The following NDE1 variants were observed in gnomAD, a reference collection of about 807,000 sequenced individuals.
The protein encoded by NDE1 is nudE neurodevelopment protein 1.
In NDE1, 28 loss-of-function variants were observed where a neutral mutation model predicts 43.4. The observed-to-expected ratio is 0.65, with a 90% CI of 0.48 to 0.89. The LOEUF (loss-of-function observed/expected upper bound fraction) is 0.89. Among genes scored for constraint, NDE1 ranks in the 40% least tolerant of loss-of-function variants. The probability of loss-of-function intolerance (pLI) is 0.00; values close to 1 mark genes in which losing one functional copy is unlikely to be tolerated. For missense variants in NDE1, 441 were observed against 434.1 expected (o/e 1.02, Z -0.14); for synonymous variants, 184 against 172.0 (o/e 1.07, Z -0.55).
At chr16:15,698,677 A>G (rs12926457) in intron 8 of NDE1, among the ~76,000 whole-genome samples, 5,822 of 152,090 alleles carry the variant, frequency 0.038, 155 homozygotes, top group South Asian at 0.093. Flanking sequence ...ACTGGGCAAC[A>G]TGGTGAAACC....
chr16:15,695,961 T>C (rs1245657540), intron 7 of NDE1: 2 of 152,614 alleles, frequency 1.3e-5, no homozygotes, highest in African/African-American at 4.8e-5. Context: ...GATTTCCTAC[T>C]TCCTACAAGC....
chr16:15,685,370 T>C (rs2038386366), intron 4 of NDE1, among the ~76,000 whole-genome samples: 1 of 152,076 alleles, frequency 6.6e-6, no homozygotes, highest in Non-Finnish European at 1.5e-5. Context: ...TCCTCCTACC[T>C]CAGCCTCCGA....
chr16:15,694,608 A>G (rs1412309367), intron 7 of NDE1: 1 of 984,528 alleles, frequency 1.0e-6, no homozygotes, highest in African/African-American at 1.8e-5. Flanking sequence ...TTGGCCTCCC[A>G]AAGTTCTGGG....
chr16:15,669,750 C>T (rs908756145), intron 3 of NDE1, among the ~76,000 whole-genome samples: 3 of 152,194 alleles, frequency 2.0e-5, no homozygotes, highest in Non-Finnish European at 2.9e-5. Flanking sequence ...CCGCCTCAGC[C>T]TCCCAAAGTG....
Position 15,717,063 on chromosome 16 carries a change from G to C in NDE1, c.948-7128G>C, listed in dbSNP as rs1397230570. On this transcript the variant is annotated intron_variant, in intron 8 of 8. Coordinates refer to ENST00000396354, the MANE Select transcript of NDE1 (RefSeq NM_017668.3). ...ACAAGCCAGAACTGATGCTGGAAGAGGTTCCCTGACTTCACTATGACTCCT... is the reference window on the plus strand; with the variant it reads ...ACAAGCCAGAACTGATGCTGGAAGACGTTCCCTGACTTCACTATGACTCCT... 4.8e-6 allele frequency: 7 copies of C among 1,464,122 alleles called. No homozygotes were observed. In the Middle Eastern group the frequency reaches 5.2e-4, roughly 108 times the overall value. 90.7% of individuals were successfully genotyped at this position (1,464,122 alleles called of 1,614,324 possible). A position where few individuals can be genotyped will look rare whatever the true frequency, so the allele number is the denominator to read the frequency against.
intron 5 of NDE1, among the ~76,000 whole-genome samples, chr16:15,689,936 CT>C (rs1364271687): frequency 0.095 from 7,439 of 78,146 alleles, 213 homozygotes; most frequent in East Asian, 0.15. Context: ...GAAACTCCAT[CT>C]CAAAAAAAAA....
intron 6 of NDE1, 118 bp from the exon 7 acceptor site, chr16:15,694,047 G>T: frequency 8.3e-7 from 1 of 1,204,656 alleles, no homozygotes. Context: ...GGTAGCTTTT[G>T]GGATCCGAGG....
At position 15,658,712 on chromosome 16, in the gene NDE1, A is replaced by C. The variant is rs560730260; in HGVS notation, c.-43-6024A>C. ...TGCTCTGTTGCCCAGGCTGGAGTGC[A>C]GTGGTGTGATCGTGGTTCACTGCAA... On this transcript the variant is annotated intron_variant, in intron 1 of 8. Transcript: ENST00000396354. Among the ~76,000 whole-genome samples the C allele has an allele frequency of 1.1e-4, 16 of 152,340 alleles. No homozygotes were observed. In the South Asian group the frequency reaches 2.9e-3, roughly 28 times the overall value.
chr16:15,652,568 G>A (rs888794085), intron 1 of NDE1, among the ~76,000 whole-genome samples: 4 of 152,160 alleles, frequency 2.6e-5, no homozygotes, highest in Admixed American at 6.6e-5. Context: ...GGTTGGAGGA[G>A]GCAAAACCAC....
At position 15,680,506 on chromosome 16, in the gene NDE1, C is replaced by G. The variant is rs1022970482; in HGVS notation, c.386+2557C>G. ...CTGGTCATTACCAGAAGTGGAAATT[C>G]CTTTCTTGTCAATCTGTAGGAGTTC... On this transcript the variant is annotated intron_variant, in intron 4 of 8. Coordinates refer to ENST00000396354, the MANE Select transcript of NDE1 (RefSeq NM_017668.3). Among the ~76,000 whole-genome samples, 5 of 152,076 alleles carry G rather than the reference C, an allele frequency of 3.3e-5. No homozygotes were observed. In the East Asian group the frequency reaches 9.6e-4, roughly 29 times the overall value.
At chr16:15,691,732 G>A (rs1305160703) in intron 6 of NDE1, among the ~76,000 whole-genome samples, 5 of 149,930 alleles carry the variant, frequency 3.3e-5, no homozygotes, top group East Asian at 2.0e-4. Context: ...CCTCTTCATC[G>A]TGGGCTCAAG....
intron 3 of NDE1, among the ~76,000 whole-genome samples, chr16:15,670,200 G>A (rs770164518): frequency 4.6e-5 from 7 of 152,172 alleles, no homozygotes; most frequent in Non-Finnish European, 8.8e-5. Context: ...ATTTTGATGA[G>A]CTGCTTCATG....
intron 5 of NDE1, among the ~76,000 whole-genome samples, chr16:15,689,333 G>A (rs1261139387): frequency 6.6e-6 from 1 of 151,990 alleles, no homozygotes; most frequent in Non-Finnish European, 1.5e-5. Context: ...CTACAAAAAT[G>A]AAAATTGTAA....
chr16:15,687,376 G>T lies in NDE1; in HGVS notation c.388G>T (p.Ala130Ser), dbSNP rs146749256. The T allele has an allele frequency of 6.2e-7, 1 of 1,614,120 alleles. No individual in the cohort carries two copies. The change falls in exon 5 of 9, where the codon GCC becomes TCC. Residue 130 changes from alanine (A) to serine (S), a missense_variant and splice_region_variant. Coordinates refer to ENST00000396354, the MANE Select transcript of NDE1 (RefSeq NM_017668.3). The part of the protein sequence containing the change: ...ANDDLERAKR[A>S]TIMSLEDFEQ... Reference sequence around the variant, plus strand: ...TAACTCTGCTTTTCTCTTCGCCAGCGCCACGATCATGTCTCTCGAAGACTT... The same window carrying T: ...TAACTCTGCTTTTCTCTTCGCCAGCTCCACGATCATGTCTCTCGAAGACTT...
chr16:15,648,052 G>A (rs1228895898), upstream of NDE1, among the ~76,000 whole-genome samples: 2 of 149,554 alleles, frequency 1.3e-5, no homozygotes, highest in African/African-American at 4.9e-5. Context: ...AAAAAAAGCT[G>A]GATAATAATA....
intron 3 of NDE1, among the ~76,000 whole-genome samples, chr16:15,676,547 T>C (rs774855676): frequency 7.9e-5 from 12 of 152,144 alleles, no homozygotes; most frequent in Non-Finnish European, 1.3e-4. Flanking sequence ...GAGATCAAAC[T>C]GTTCCTTTTT....
rs1328343270 is a variant in NDE1 at position 15,667,380 on chromosome 16, A to T, written c.178A>T (p.Arg60Trp). 2 of 1,614,064 alleles carry T rather than the reference A, an allele frequency of 1.2e-6. No homozygotes were observed. The highest frequency in any genetic ancestry group is 1.7e-6 in the Non-Finnish European group (2 of 1,179,968). Reference sequence around the variant, plus strand: ...GACGCAGCTGCAACAAATTGAAACCAGGAACAGAGACCTCCTGTCCGAAAA... The same window carrying T: ...GACGCAGCTGCAACAAATTGAAACCTGGAACAGAGACCTCCTGTCCGAAAA... Reference protein sequence around the residue: ...LETQLQQIETRNRDLLSENNR... With the variant: ...LETQLQQIETWNRDLLSENNR... Residue 60 changes from arginine to tryptophan, a missense_variant, in exon 3 of 9, where the codon AGG becomes TGG. Arg to Trp is a moderately radical substitution (Grantham distance 101). Coordinates refer to ENST00000396354, the MANE Select transcript of NDE1 (RefSeq NM_017668.3).
intron 2 of NDE1, 33 bp downstream of exon 2, chr16:15,664,894 T>TG: frequency 6.4e-7 from 1 of 1,564,696 alleles, no homozygotes; most frequent in East Asian, 2.2e-5. Flanking sequence ...TTCCTTTTTT[T>TG]TTTTTTTTTG....
At chr16:15,664,418 G>A (rs771756386) in intron 1 of NDE1, among the ~76,000 whole-genome samples, 15 of 151,892 alleles carry the variant, frequency 9.9e-5, no homozygotes, top group East Asian at 3.9e-4. Flanking sequence ...GTGCAGTGGC[G>A]CCATCTCGGC....
Sources: gnomAD v4.1 joint callset for allele counts (sites outside exome capture counted in the v4.1 genomes callset) on GRCh38, gnomAD v4.1.1 for gene constraint, MANE v1.5 for transcripts, NCBI Gene and HGNC (gene_info 2026-07-23, HGNC 2026-07-21) for gene names.